The following PKHD1L1 variants were observed in gnomAD, a reference collection of about 807,000 sequenced individuals.
The protein encoded by PKHD1L1 is PKHD1 like 1.
In PKHD1L1, 434 loss-of-function variants were observed where a neutral mutation model predicts 462.9. The ratio of observed to expected loss-of-function variants is 0.94; its 90% CI spans 0.87 to 1.02. PKHD1L1 has a LOEUF of 1.02. Among genes scored for constraint, PKHD1L1 ranks in the 50% least tolerant of loss-of-function variants. The pLI is 0.00. For synonymous variants in PKHD1L1, 1,781 were observed against 1,750.0 expected (o/e 1.02, Z -0.44); for missense variants, 5,202 against 5,096.1 (o/e 1.02, Z -0.63).
At chr8:109,519,893 T>C (rs1314246019) in intron 73 of PKHD1L1, among the ~76,000 whole-genome samples, 7 of 152,186 alleles carry the variant, frequency 4.6e-5, no homozygotes. Flanking sequence ...ACTTTATCAT[T>C]AAACTCCCAG....
chr8:109,423,416 C>T (rs536730418), intron 23 of PKHD1L1, among the ~76,000 whole-genome samples: 2 of 152,170 alleles, frequency 1.3e-5, no homozygotes, highest in African/African-American at 2.4e-5. Context: ...TACATTGGAA[C>T]CTTTGTCAAA....
chr8:109,452,777 A>G lies in PKHD1L1; in HGVS notation c.6567A>G (p.Lys2189=). Residue 2189 remains lysine (K), a synonymous_variant, in exon 43 of 78, where the codon AAA becomes AAG. Transcript: ENST00000378402. The part of the protein sequence containing the change: ...AWSSNFSWGG[K]SPPEEGSLVV... The stretch of plus-strand genomic sequence containing the variant: ...CCTCCAATTTCTCATGGGGGGGAAA[A>G]TCTCCCCCAGAAGAAGGATCTCTTG... 1 of 1,532,676 alleles carries G rather than the reference A, an allele frequency of 6.5e-7. No individual in the cohort carries two copies. Among genetic ancestry groups the G allele is most frequent in the Non-Finnish European group, 8.8e-7 (1 of 1,140,558 alleles). 94.9% of individuals were successfully genotyped at this position (1,532,676 alleles called of 1,614,324 possible).
rs1484439776 is a variant in PKHD1L1 at position 109,454,761 on chromosome 8, C to T, written c.6783C>T (p.Val2261=). 1.9e-6 allele frequency: 3 copies of T among 1,613,820 alleles called. No homozygotes were observed. Among genetic ancestry groups the T allele is most frequent in the South Asian group, 1.1e-5 (1 of 91,062 alleles). ...TETSPFQHKA[V]ITLHGHLRSP... The stretch of plus-strand genomic sequence containing the variant: ...CATCCCCATTCCAACACAAGGCTGT[C>T]ATTACCTTGCATGGTCACCTGCGAT... Residue 2261 remains valine (V), a synonymous_variant, in exon 45 of 78, where the codon GTC becomes GTT. Transcript: ENST00000378402.
At position 109,413,507 on chromosome 8, in the gene PKHD1L1, T is replaced by C. The variant is rs776515987; in HGVS notation, c.2322T>C (p.Thr774=). 16 of 1,569,060 alleles carry C rather than the reference T, an allele frequency of 1.0e-5. No individual in the cohort carries two copies. Among genetic ancestry groups the C allele is most frequent in the Non-Finnish European group, 1.4e-5 (16 of 1,156,834 alleles). ...ACAATAGCAAGATTACTAGAAGCAC[T>C]GATACACAGTTTACATACAACTTTG... ...YQDNSKITRS[T]DTQFTYNFAY... is the part of the protein sequence containing the mutation. The change falls in exon 21 of 78, where the codon ACT becomes ACC. Residue 774 remains threonine, a synonymous_variant. Coordinates refer to ENST00000378402, the MANE Select transcript of PKHD1L1 (RefSeq NM_177531.6).
rs1403217238 is a variant in PKHD1L1, at chr8:109,526,956, G to T, written c.12657G>T (p.Leu4219=). The change falls in exon 77 of 78, where the codon CTG becomes CTT. Residue 4219 remains leucine (L), a synonymous_variant. Coordinates refer to ENST00000378402, the MANE Select transcript of PKHD1L1 (RefSeq NM_177531.6). ...AQIMTVVISC[L]VGRMWLLEIF... Reference sequence around the variant, plus strand: ...TAATGACTGTAGTAATTAGCTGTCTGGTTGGAAGAATGTGGCTCTTGGAAA... The same window carrying T: ...TAATGACTGTAGTAATTAGCTGTCTTGTTGGAAGAATGTGGCTCTTGGAAA... 6.2e-7 allele frequency: 1 copy of T among 1,613,834 alleles called. No homozygotes were observed. The highest frequency in any genetic ancestry group is 1.7e-5 in the Admixed American group (1 of 59,988).
At position 109,433,091 on chromosome 8, in the gene PKHD1L1, A is replaced by C. The variant is rs1415115364; in HGVS notation, c.3230-15A>C. 9 of 1,528,906 alleles carry C rather than the reference A, an allele frequency of 5.9e-6. No homozygotes were observed. The highest frequency in any genetic ancestry group is 8.1e-6 in the Non-Finnish European group (9 of 1,116,886). 94.7% of individuals were successfully genotyped at this position (1,528,906 alleles called of 1,614,324 possible). On this transcript the variant is annotated splice_polypyrimidine_tract_variant and intron_variant, in intron 27 of 77. Transcript: ENST00000378402. ...TTCTAACTTTAATATTGTTATTTAA[A>C]TTGATCATTTTTAGGGTCCTATGAA...
intron 49 of PKHD1L1, 64 bp from the exon 50 acceptor site, chr8:109,466,514 T>C: frequency 6.9e-7 from 1 of 1,452,788 alleles, no homozygotes; most frequent in Non-Finnish European, 9.2e-7. Context: ...TTCTGTATAT[T>C]GTAGACCTTT....
chr8:109,503,656 A>G (rs1017252765), intron 67 of PKHD1L1, among the ~76,000 whole-genome samples: 8 of 152,222 alleles, frequency 5.3e-5, no homozygotes, highest in Admixed American at 1.3e-4. Flanking sequence ...CACATAATAT[A>G]TACAAAGAAG....
At chr8:109,487,752 G>T in intron 59 of PKHD1L1, among the ~76,000 whole-genome samples, 1 of 151,656 alleles carries the variant, frequency 6.6e-6, no homozygotes, top group African/African-American at 2.4e-5. Context: ...GGTGTCTCAG[G>T]CCTGTAATCC....
chr8:109,520,926 A>C (rs1360223748), intron 73 of PKHD1L1, among the ~76,000 whole-genome samples: 1 of 152,164 alleles, frequency 6.6e-6, no homozygotes, highest in Non-Finnish European at 1.5e-5. Flanking sequence ...ACTCCATGCC[A>C]AAAACCAGTG....
At chr8:109,437,933 T>C (rs899527775) in intron 30 of PKHD1L1, among the ~76,000 whole-genome samples, 2 of 152,150 alleles carry the variant, frequency 1.3e-5, no homozygotes, top group African/African-American at 4.8e-5. Context: ...GATATAATGA[T>C]GTGATTTGTC....
At chr8:109,411,153 G>A (rs991741500) in intron 19 of PKHD1L1, among the ~76,000 whole-genome samples, 8 of 152,016 alleles carry the variant, frequency 5.3e-5, no homozygotes, top group East Asian at 1.9e-4. Context: ...ATTGCTTCTC[G>A]ACATAACACT....
chr8:109,502,301 C>T (rs1390601183), intron 67 of PKHD1L1, among the ~76,000 whole-genome samples: 1 of 152,132 alleles, frequency 6.6e-6, no homozygotes, highest in Non-Finnish European at 1.5e-5. Flanking sequence ...TAAAACTGGC[C>T]ATACTAGTGT....
At chr8:109,467,151 G>T (rs951218220) in intron 50 of PKHD1L1, among the ~76,000 whole-genome samples, 1 of 152,098 alleles carries the variant, frequency 6.6e-6, no homozygotes, top group Non-Finnish European at 1.5e-5. Flanking sequence ...CCTAACAGGT[G>T]CCAGGGATTG....
rs766300760 is a variant in PKHD1L1, at chr8:109,504,457, A to G, written c.10959A>G (p.Glu3653=). The change falls in exon 68 of 78, where the codon GAA becomes GAG. Residue 3653 remains glutamate (E), a synonymous_variant. Transcript: ENST00000378402. ...VKNIKLVDTT[E]QSKIFIHRPD... is the part of the protein sequence containing the mutation. ...ATATAAAACTGGTTGATACCACTGA[A>G]CAATCAAAAATATTTATACATAGGC... is the stretch of plus-strand genomic sequence containing the variant. 7 of 1,545,578 alleles carry G rather than the reference A, an allele frequency of 4.5e-6. No individual in the cohort carries two copies. Among genetic ancestry groups the G allele is most frequent in the Non-Finnish European group, 4.4e-6 (5 of 1,143,424 alleles).
intron 6 of PKHD1L1, among the ~76,000 whole-genome samples, chr8:109,388,267 G>A (rs1812533754): frequency 6.6e-6 from 1 of 152,006 alleles, no homozygotes; most frequent in South Asian, 2.1e-4. Context: ...AGCTCCCCAA[G>A]GGCAACAAAG....
chr8:109,490,869 A>T, intron 60 of PKHD1L1, 103 bp from the exon 61 acceptor site: 1 of 1,030,576 alleles, frequency 9.7e-7, no homozygotes, highest in South Asian at 2.2e-5. Flanking sequence ...TTGAGTATTG[A>T]TTATTGATAA....
chr8:109,373,231 G>A (rs1586372162), intron 2 of PKHD1L1, among the ~76,000 whole-genome samples: 2 of 152,088 alleles, frequency 1.3e-5, no homozygotes, highest in East Asian at 3.9e-4. Flanking sequence ...GTTTAGTCTT[G>A]GGAGGGTGTA....
intron 54 of PKHD1L1, 59 bp downstream of exon 54, chr8:109,479,698 C>A: frequency 5.9e-6 from 7 of 1,180,654 alleles, no homozygotes; most frequent in Admixed American, 2.2e-5. Flanking sequence ...AACACTATGG[C>A]AGGGTAGATG....
Sources: allele counts gnomAD v4.1 joint callset (sites outside exome capture counted in the v4.1 genomes callset), GRCh38; gene constraint gnomAD v4.1.1; transcripts MANE v1.5; gene names NCBI Gene and HGNC (gene_info 2026-07-23, HGNC 2026-07-21).